The following RIMS2 variants were observed in gnomAD, a reference collection of about 807,000 sequenced individuals.
RIMS2 encodes regulating synaptic membrane exocytosis 2.
A neutral mutation model predicts 174.4 loss-of-function variants in RIMS2; 59 were observed. That is an observed-to-expected ratio of 0.34 (90% confidence interval 0.27 to 0.42). RIMS2 has a LOEUF of 0.42. Among genes scored for constraint, RIMS2 ranks in the 10% least tolerant of loss-of-function variants. RIMS2 has a pLI of 1.00. For synonymous variants in RIMS2, 606 were observed against 572.5 expected, an observed-to-expected ratio of 1.06 and a Z score of -0.84; for missense variants, 1,620 against 1,666.3, an observed-to-expected ratio of 0.97 and a Z score of 0.48.
In RIMS2 at chr8:103,796,535, A is replaced by G. The variant is rs55915215; in HGVS notation, c.698+29998A>G. ...ATCTTTTCTTACCTCATCTCACACCACTTTTTTTCCTTTCCCCTATAATCT... is the reference window on the plus strand; with the variant it reads ...ATCTTTTCTTACCTCATCTCACACCGCTTTTTTTCCTTTCCCCTATAATCT... On this transcript the variant is annotated intron_variant, in intron 3 of 23. Transcript: ENST00000504942. Among the ~76,000 whole-genome samples, 5 of 152,064 alleles carry G rather than the reference A, an allele frequency of 3.3e-5. No homozygotes were observed. In the East Asian group the frequency reaches 9.6e-4, roughly 29 times the overall value.
At chr8:103,867,402 C>A (rs932150786) in intron 3 of RIMS2, among the ~76,000 whole-genome samples, 1 of 151,540 alleles carries the variant, frequency 6.6e-6, no homozygotes. Context: ...AAAATCTATT[C>A]TGAAAACATA....
intron 4 of RIMS2, among the ~76,000 whole-genome samples, chr8:103,907,089 G>A (rs1448493908): frequency 6.6e-6 from 1 of 152,160 alleles, no homozygotes; most frequent in Non-Finnish European, 1.5e-5. Flanking sequence ...ATTGCCTCCA[G>A]TAATTCTGAA....
At chr8:103,827,392 G>A (rs1346903954) in intron 3 of RIMS2, among the ~76,000 whole-genome samples, 3 of 152,064 alleles carry the variant, frequency 2.0e-5, no homozygotes, top group Middle Eastern at 3.2e-3. Flanking sequence ...TTCTGTGTAA[G>A]CAATCATGTC....
At chr8:103,761,114 A>G (rs189382205) in intron 2 of RIMS2, among the ~76,000 whole-genome samples, 5 of 152,286 alleles carry the variant, frequency 3.3e-5, no homozygotes, top group Admixed American at 6.5e-5. Flanking sequence ...GGCATTTTCC[A>G]ATTTATTTAG....
intron 19 of RIMS2, among the ~76,000 whole-genome samples, chr8:104,206,370 T>G (rs893459383): frequency 6.6e-6 from 1 of 152,354 alleles, no homozygotes; most frequent in South Asian, 2.1e-4. Flanking sequence ...GACCAAGGCT[T>G]TGTTCAGCAA....
chr8:103,969,834 G>A (rs575896294), intron 15 of RIMS2, among the ~76,000 whole-genome samples: 2 of 152,202 alleles, frequency 1.3e-5, no homozygotes, highest in East Asian at 1.9e-4. Flanking sequence ...TGCAACCTCT[G>A]CCTACTGGGC....
intron 2 of RIMS2, among the ~76,000 whole-genome samples, chr8:103,712,033 C>A (rs1435614438): frequency 2.0e-5 from 3 of 151,624 alleles, no homozygotes; most frequent in Admixed American, 6.6e-5. Flanking sequence ...ACTCTGTCAA[C>A]CAGGTTAGAG....
At chr8:103,835,851 T>C (rs1377989951) in intron 3 of RIMS2, among the ~76,000 whole-genome samples, 2 of 152,220 alleles carry the variant, frequency 1.3e-5, no homozygotes, top group African/African-American at 4.8e-5. Context: ...ATTGAGAATA[T>C]ATAACTTTTC....
At chr8:103,898,560 C>T (rs1238799284) in intron 4 of RIMS2, among the ~76,000 whole-genome samples, 6 of 151,344 alleles carry the variant, frequency 4.0e-5, no homozygotes, top group Non-Finnish European at 7.4e-5. Flanking sequence ...TATCAATGCA[C>T]CTGCTTTTTT....
At chr8:104,020,843 A>C (rs2096068453) in intron 19 of RIMS2, among the ~76,000 whole-genome samples, 1 of 151,994 alleles carries the variant, frequency 6.6e-6, no homozygotes, top group Admixed American at 6.6e-5. Context: ...ATTGCCTGGA[A>C]AGTAAAAAGA....
At chr8:103,635,943 G>A (rs2096065172) in intron 1 of RIMS2, among the ~76,000 whole-genome samples, 1 of 152,118 alleles carries the variant, frequency 6.6e-6, no homozygotes, top group Admixed American at 6.5e-5. Context: ...TAGTTGGGAG[G>A]TCTTGCCCAG....
At chr8:104,051,327 A>C (rs2096782075) in intron 19 of RIMS2, among the ~76,000 whole-genome samples, 1 of 152,132 alleles carries the variant, frequency 6.6e-6, no homozygotes, top group African/African-American at 2.4e-5. Context: ...AAAATAAGGT[A>C]AGTTGACATG....
chr8:104,253,210 T>G (rs2099363041), downstream of RIMS2: 1 of 152,190 alleles, frequency 6.6e-6, no homozygotes, highest in South Asian at 2.1e-4. Flanking sequence ...AATAAATTTG[T>G]TTTTAGCACC....
chr8:103,857,215 T>C (rs1434078057), intron 3 of RIMS2, among the ~76,000 whole-genome samples: 2 of 152,188 alleles, frequency 1.3e-5, no homozygotes, highest in Admixed American at 6.5e-5. Flanking sequence ...CAAATCTAGA[T>C]TTACAAATAT....
At chr8:104,099,203 C>T (rs555066431) in intron 19 of RIMS2, among the ~76,000 whole-genome samples, 1 of 152,102 alleles carries the variant, frequency 6.6e-6, no homozygotes, top group Non-Finnish European at 1.5e-5. Context: ...GCAGATGTTT[C>T]CAGACAGTAT....
At chr8:103,836,049 T>G (rs1244005884) in intron 3 of RIMS2, among the ~76,000 whole-genome samples, 1 of 152,204 alleles carries the variant, frequency 6.6e-6, no homozygotes, top group East Asian at 1.9e-4. Flanking sequence ...TTTCTTTACC[T>G]TCTAACTGGG....
chr8:104,136,612 C>T (rs1304624145), intron 19 of RIMS2, among the ~76,000 whole-genome samples: 1 of 152,124 alleles, frequency 6.6e-6, no homozygotes, highest in African/African-American at 2.4e-5. Context: ...GAATGCTATG[C>T]AGCCATAAAA....
intron 2 of RIMS2, among the ~76,000 whole-genome samples, chr8:103,713,097 C>A (rs1178936414): frequency 6.6e-6 from 1 of 152,008 alleles, no homozygotes; most frequent in African/African-American, 2.4e-5. Flanking sequence ...TGGCTCATTG[C>A]AACCTCCACT....
At chr8:103,989,377 C>T (rs1375596797) in exon 17 of RIMS2, 1 of 1,612,868 alleles carries the variant, frequency 6.2e-7, no homozygotes, top group East Asian at 2.2e-5. Flanking sequence ...GCCGAATGGA[C>T]AGACATCGTG....
Sources: gnomAD v4.1 joint callset for allele counts (sites outside exome capture counted in the v4.1 genomes callset) on GRCh38, gnomAD v4.1.1 for gene constraint, MANE v1.5 for transcripts, NCBI Gene and HGNC (gene_info 2026-07-23, HGNC 2026-07-21) for gene names.